Variants in BICDL1 observed in about 807,000 individuals in gnomAD.
BICDL1 encodes the protein BICD family like cargo adaptor 1, also known as BICD family-like cargo adapter 1.
BICDL1 carries 20 observed loss-of-function variants against 76.8 expected under a neutral mutation model. The ratio of observed to expected loss-of-function variants is 0.26; its 90% CI spans 0.18 to 0.38. BICDL1 has a LOEUF of 0.38. BICDL1 is among the 10% of genes least tolerant of loss of function. The pLI is 1.00. For synonymous variants in BICDL1, 383 were observed against 337.1 expected (o/e 1.14, Z -1.49); for missense variants, 700 against 798.6 (o/e 0.88, Z 1.49).
intron 2 of BICDL1, among the ~76,000 whole-genome samples, chr12:120,050,651 T>C (rs1952838983): frequency 6.6e-6 from 1 of 151,834 alleles, no homozygotes; most frequent in East Asian, 1.9e-4. Context: ...ACATTTTTTG[T>C]TTTTGCTTGA....
rs1951483355 is a variant in BICDL1, at chr12:119,990,081, C to T, written c.213C>T (p.Asp71=). Residue 71 remains aspartate (D), a synonymous_variant, in exon 1 of 10, where the codon GAC becomes GAT. Coordinates refer to ENST00000548673, the MANE Select transcript of BICDL1 (RefSeq NM_001367886.1). ...ALLAAGERPS[D]PGEHPQAEPG... ...TGGCGGCCGGGGAGCGGCCGTCCGA[C>T]CCCGGGGAACACCCTCAGGCCGAGC... 1 of 1,540,522 alleles carries T rather than the reference C, an allele frequency of 6.5e-7. No homozygotes were observed.
rs148300912 is a variant in BICDL1, at chr12:120,012,655, G to T, written c.645+13919G>T. 7.2e-5 allele frequency among the ~76,000 whole-genome samples: 11 copies of T among 152,208 alleles called. No homozygotes were observed. In the East Asian group the frequency reaches 1.7e-3, roughly 24 times the overall value. ...CATTAATGATAAGATCTAAGTAATA[G>T]ATATCAATTCTATGTGTTCTCATAT... is the stretch of plus-strand genomic sequence containing the variant. On this transcript the variant is annotated intron_variant, in intron 2 of 9. Coordinates refer to ENST00000548673, the MANE Select transcript of BICDL1 (RefSeq NM_001367886.1).
At position 120,093,237 on chromosome 12, in the gene BICDL1, G is replaced by A; in HGVS notation, c.*76G>A. ...AGGCGGTGCAGGCAAGGCCTCCCCT[G>A]CAGCTTGCACCTCAGCAGCTGCCCT... On this transcript the variant is annotated 3_prime_UTR_variant, in exon 10 of 10. Transcript: ENST00000548673. 1 of 1,502,572 alleles carries A rather than the reference G, an allele frequency of 6.7e-7. No homozygotes were observed. The highest frequency in any genetic ancestry group is 9.0e-7 in the Non-Finnish European group (1 of 1,108,244). The allele number at this position is 1,502,572 out of a possible 1,614,324, so 93.1% of individuals were successfully genotyped here.
intron 2 of BICDL1, among the ~76,000 whole-genome samples, chr12:120,059,005 A>G (rs998679011): frequency 6.6e-6 from 1 of 152,216 alleles, no homozygotes; most frequent in African/African-American, 2.4e-5. Context: ...CAATAGAAAT[A>G]TGAAAAATTA....
Position 120,072,677 on chromosome 12 carries a change from T to A in BICDL1, c.1256T>A (p.Leu419His). 1 of 1,614,002 alleles carries A rather than the reference T, an allele frequency of 6.2e-7. No homozygotes were observed. Among genetic ancestry groups the A allele is most frequent in the Non-Finnish European group, 8.5e-7 (1 of 1,180,038 alleles). The change falls in exon 6 of 10, where the codon CTC (leucine) becomes CAC (histidine). Residue 419 changes from leucine (L) to histidine (H), a missense_variant. Around this residue, in one of 3 missense-constraint regions of BICDL1, gnomAD observed 455 missense variants for 548.7 expected, o/e 0.83. Coordinates refer to ENST00000548673, the MANE Select transcript of BICDL1 (RefSeq NM_001367886.1). Reference sequence around the variant, plus strand: ...CCAGCCGGCAGCTTGCGCACTGCCCTCAATGAGCTCAAGAGACTGATACAG... The same window carrying A: ...CCAGCCGGCAGCTTGCGCACTGCCCACAATGAGCTCAAGAGACTGATACAG... Reference protein sequence around the residue: ...DVPAGSLRTALNELKRLIQSI... With the variant: ...DVPAGSLRTAHNELKRLIQSI...
chr12:120,014,611 G>C (rs2138681098), intron 2 of BICDL1, among the ~76,000 whole-genome samples: 1 of 151,756 alleles, frequency 6.6e-6, no homozygotes, highest in South Asian at 2.1e-4. Flanking sequence ...AGAATCGCTT[G>C]AACCCAGGAG....
At chr12:120,085,754 C>G (rs1874355918) in intron 8 of BICDL1, among the ~76,000 whole-genome samples, 1 of 134,620 alleles carries the variant, frequency 7.4e-6, no homozygotes, top group Non-Finnish European at 1.5e-5. Context: ...GAGCTGTGAT[C>G]ATGCCACTGC....
intron 2 of BICDL1, among the ~76,000 whole-genome samples, chr12:120,013,098 G>A (rs1328793430): frequency 6.6e-6 from 1 of 152,032 alleles, no homozygotes; most frequent in Non-Finnish European, 1.5e-5. Context: ...ATCACCTAAG[G>A]TCAGGAGTTC....
chr12:119,991,716 T>TAG lies in BICDL1; in HGVS notation c.429+1419_429+1420insAG, dbSNP rs1555278712. 1.5e-3 allele frequency among the ~76,000 whole-genome samples: 226 copies of TAG among 152,282 alleles called. 1 individual carries two copies. Among genetic ancestry groups the TAG allele is most frequent in the African/African-American group, 4.8e-3 (199 of 41,542 alleles). ...GAAATTTCTTCAGTGAAGGACTTGA[T>TAG]TGAAGAGACAGCTGACTTGAAAGGA... On this transcript the variant is annotated intron_variant, in intron 1 of 9. Coordinates refer to ENST00000548673, the MANE Select transcript of BICDL1 (RefSeq NM_001367886.1).
At chr12:120,008,150 C>CTTTTTTTTTTTTTTTTT (rs71072590) in intron 2 of BICDL1, among the ~76,000 whole-genome samples, 1 of 61,716 alleles carries the variant, frequency 1.6e-5, no homozygotes, top group Non-Finnish European at 2.8e-5. Context: ...ATTACTCTTT[C>CTTTTTTTTTTTTTTTTT]TTTTTTTTTT....
At chr12:120,049,026 A>G (rs922341892) in intron 2 of BICDL1, among the ~76,000 whole-genome samples, 5 of 152,234 alleles carry the variant, frequency 3.3e-5, no homozygotes, top group Non-Finnish European at 7.3e-5. Context: ...GCAAAAATGA[A>G]TTAGATGCTG....
At chr12:119,992,041 G>A (rs908444135) in intron 1 of BICDL1, among the ~76,000 whole-genome samples, 1 of 152,058 alleles carries the variant, frequency 6.6e-6, no homozygotes, top group Non-Finnish European at 1.5e-5. Context: ...GGAGATAGTC[G>A]CACAACAATG....
chr12:120,006,685 A>G (rs568514248), intron 2 of BICDL1, among the ~76,000 whole-genome samples: 1 of 152,308 alleles, frequency 6.6e-6, no homozygotes, highest in Non-Finnish European at 1.5e-5. Context: ...GTAAAAGCCT[A>G]AGAACAGTGG....
At chr12:120,038,546 T>A (rs1024141739) in intron 2 of BICDL1, among the ~76,000 whole-genome samples, 1 of 152,226 alleles carries the variant, frequency 6.6e-6, no homozygotes, top group Non-Finnish European at 1.5e-5. Context: ...CTGCTCACAT[T>A]AAATGTAGTG....
At chr12:120,076,799 A>C (rs1873585713) in intron 7 of BICDL1, among the ~76,000 whole-genome samples, 3 of 152,264 alleles carry the variant, frequency 2.0e-5, no homozygotes, top group Admixed American at 2.0e-4. Flanking sequence ...AGGCAGGGGT[A>C]GGGTGCAGAT....
intron 2 of BICDL1, among the ~76,000 whole-genome samples, chr12:120,056,028 G>A (rs551853462): frequency 5.4e-4 from 82 of 151,998 alleles, no homozygotes; most frequent in African/African-American, 1.8e-3. Context: ...TCATCAGTAG[G>A]GACTAGTTAA....
intron 4 of BICDL1, among the ~76,000 whole-genome samples, chr12:120,067,028 A>C (rs1257921497): frequency 6.6e-6 from 1 of 152,246 alleles, no homozygotes; most frequent in African/African-American, 2.4e-5. Context: ...TCCTGCTGTC[A>C]AAAACAGATT....
chr12:120,081,644 C>T (rs1434326461), intron 8 of BICDL1, among the ~76,000 whole-genome samples: 3 of 151,838 alleles, frequency 2.0e-5, no homozygotes, highest in Non-Finnish European at 2.9e-5. Context: ...CCACCACACC[C>T]GGCCTCCAGT....
chr12:120,006,025 C>G (rs1014382308), intron 2 of BICDL1, among the ~76,000 whole-genome samples: 1 of 152,140 alleles, frequency 6.6e-6, no homozygotes, highest in African/African-American at 2.4e-5. Context: ...CTATACTCTC[C>G]TCATATCTAC....
Sources: gnomAD v4.1 joint callset for allele counts (sites outside exome capture counted in the v4.1 genomes callset) on GRCh38, gnomAD v4.1.1 for gene constraint, gnomAD v4.1.1 regional missense constraint, MANE v1.5 for transcripts, NCBI Gene and HGNC (gene_info 2026-07-23, HGNC 2026-07-21) for gene names.